KAT2B: variants seen among roughly 807,000 people sequenced by gnomAD.
KAT2B encodes the protein lysine acetyltransferase 2B, also known as histone acetyltransferase KAT2B.
A neutral mutation model predicts 105.9 loss-of-function variants in KAT2B; 36 were observed. The observed-to-expected ratio is 0.34, with a 90% CI of 0.26 to 0.45. The LOEUF is 0.45. Among genes scored for constraint, KAT2B ranks in the 20% least tolerant of loss-of-function variants. The pLI, the probability that KAT2B is intolerant of heterozygous loss-of-function variation, is 1.00. For synonymous variants in KAT2B, 397 were observed against 377.9 expected, an observed-to-expected ratio of 1.05 and a Z score of -0.59; for missense variants, 820 against 1,021.6, an observed-to-expected ratio of 0.80 and a Z score of 2.69.
chr3:20,099,759 AAGAG>A (rs149949115), intron 3 of KAT2B, 99 bp from the exon 4 acceptor site: 320 of 556,180 alleles, frequency 5.8e-4, no homozygotes, highest in South Asian at 1.3e-3. Context: ...GTGTGTGTGT[AAGAG>A]AGAGAGAGAG....
At chr3:20,050,484 A>G (rs1242439004) in intron 1 of KAT2B, among the ~76,000 whole-genome samples, 2 of 152,136 alleles carry the variant, frequency 1.3e-5, no homozygotes, top group Non-Finnish European at 2.9e-5. Flanking sequence ...ATTACCAGAG[A>G]TTAGTTTTGT....
intron 2 of KAT2B, among the ~76,000 whole-genome samples, chr3:20,073,312 C>T (rs997092233): frequency 3.3e-5 from 5 of 152,160 alleles, no homozygotes; most frequent in African/African-American, 9.7e-5. Context: ...CTGGGCAGAA[C>T]GTTCTTGCTA....
At chr3:20,044,366 G>T (rs1315879604) in intron 1 of KAT2B, among the ~76,000 whole-genome samples, 1 of 151,722 alleles carries the variant, frequency 6.6e-6, no homozygotes, top group Non-Finnish European at 1.5e-5. Flanking sequence ...GCAGTGAGCT[G>T]TGATTGCACC....
chr3:20,108,336 C>T (rs929832465), intron 5 of KAT2B, among the ~76,000 whole-genome samples: 29 of 152,282 alleles, frequency 1.9e-4, no homozygotes, highest in Admixed American at 1.5e-3. Context: ...CTGGTGGCTA[C>T]TGTATTGGAT....
intron 11 of KAT2B, among the ~76,000 whole-genome samples, chr3:20,130,072 G>C (rs570120370): frequency 6.6e-6 from 1 of 152,202 alleles, no homozygotes; most frequent in Non-Finnish European, 1.5e-5. Context: ...CCGCCTCCTG[G>C]GTTCAAGTGA....
At chr3:20,107,333 T>C (rs2125162676) in intron 5 of KAT2B, among the ~76,000 whole-genome samples, 1 of 149,240 alleles carries the variant, frequency 6.7e-6, no homozygotes, top group East Asian at 2.1e-4. Flanking sequence ...ACCTGGCCAA[T>C]AATATATATA....
intron 6 of KAT2B, among the ~76,000 whole-genome samples, chr3:20,113,821 A>T (rs1290669196): frequency 4.6e-5 from 7 of 151,754 alleles, no homozygotes; most frequent in Admixed American, 3.9e-4. Flanking sequence ...CTTTTTTTCC[A>T]CTTGGCTTTA....
chr3:20,061,295 G>A (rs886179652), intron 1 of KAT2B, among the ~76,000 whole-genome samples: 4 of 152,154 alleles, frequency 2.6e-5, no homozygotes, highest in African/African-American at 9.7e-5. Flanking sequence ...GTTGTGGCAT[G>A]TGTCAGAGTT....
chr3:20,122,422 A>G (rs1281762295), intron 8 of KAT2B, among the ~76,000 whole-genome samples: 1 of 152,190 alleles, frequency 6.6e-6, no homozygotes, highest in East Asian at 1.9e-4. Flanking sequence ...CATGTGCCTT[A>G]ATATTTCATG....
intron 2 of KAT2B, among the ~76,000 whole-genome samples, chr3:20,092,236 T>TTTATTTATTTATTTATTTATTTATTTA (rs56239971): frequency 9.7e-6 from 1 of 103,456 alleles, no homozygotes; most frequent in African/African-American, 3.0e-5. Flanking sequence ...TATTTATTTA[T>TTTATTTATTTATTTATTTATTTATTTA]TTATTTATTT....
intron 13 of KAT2B, among the ~76,000 whole-genome samples, chr3:20,144,276 CTTTTTTTTTTT>C (rs761735374): frequency 2.0e-4 from 18 of 89,392 alleles, no homozygotes; most frequent in South Asian, 9.8e-4. Flanking sequence ...CCTTGGGATT[CTTTTTTTTTTT>C]TTTTTTTTTT....
At chr3:20,077,712 G>C (rs768668750) in intron 2 of KAT2B, among the ~76,000 whole-genome samples, 1 of 152,114 alleles carries the variant, frequency 6.6e-6, no homozygotes, top group Admixed American at 6.6e-5. Context: ...AATTGTGCTG[G>C]TTTAGAATAT....
At chr3:20,076,023 A>G (rs1392717412) in intron 2 of KAT2B, among the ~76,000 whole-genome samples, 2 of 152,054 alleles carry the variant, frequency 1.3e-5, no homozygotes, top group Admixed American at 6.6e-5. Context: ...TCTTCTAATA[A>G]CCTGGTCTCT....
Position 20,153,868 on chromosome 3 carries a change from A to G in KAT2B, c.*1343A>G, listed in dbSNP as rs1699908060. The stretch of plus-strand genomic sequence containing the variant: ...TATCAGCATAAATAAAATGGTCATG[A>G]ATAGTCATTAAAAACAGTTGCCAGT... On this transcript the variant is annotated 3_prime_UTR_variant, in exon 18 of 18. Transcript: ENST00000263754. The G allele has an allele frequency of 6.6e-6, 1 of 152,470 alleles. No homozygotes were observed. The highest frequency in any genetic ancestry group is 1.5e-5 in the Non-Finnish European group (1 of 68,014). The allele number at this position is 152,470 out of a possible 1,614,324, so 9.4% of individuals were successfully genotyped here. A position where few individuals can be genotyped will look rare whatever the true frequency, so the allele number is the denominator to read the frequency against.
At chr3:20,074,998 G>A (rs1575118243) in intron 2 of KAT2B, among the ~76,000 whole-genome samples, 1 of 152,172 alleles carries the variant, frequency 6.6e-6, no homozygotes, top group Admixed American at 6.5e-5. Flanking sequence ...GGGCGTGGTG[G>A]CTCACGCCTG....
intron 1 of KAT2B, among the ~76,000 whole-genome samples, chr3:20,059,709 C>T (rs1212304351): frequency 1.3e-5 from 2 of 151,896 alleles, no homozygotes; most frequent in African/African-American, 4.8e-5. Flanking sequence ...CATCTCAAAA[C>T]AAAAACAAAA....
At chr3:20,135,066 CAT>C (rs979774383) in intron 11 of KAT2B, among the ~76,000 whole-genome samples, 4 of 152,182 alleles carry the variant, frequency 2.6e-5, no homozygotes, top group Admixed American at 6.5e-5. Context: ...CCTCTATACA[CAT>C]GTGTTTATAT....
chr3:20,105,403 A>G (rs576336609), intron 5 of KAT2B, among the ~76,000 whole-genome samples: 3 of 152,210 alleles, frequency 2.0e-5, no homozygotes, highest in South Asian at 4.1e-4. Context: ...GGAAAGTGCA[A>G]GTAATTAGTC....
At chr3:20,090,550 C>T (rs893549005) in intron 2 of KAT2B, among the ~76,000 whole-genome samples, 6 of 152,072 alleles carry the variant, frequency 3.9e-5, no homozygotes, top group East Asian at 1.9e-4. Flanking sequence ...TCCTCTTGCT[C>T]GTGGTGAAGG....
Sources: allele counts gnomAD v4.1 joint callset (sites outside exome capture counted in the v4.1 genomes callset), GRCh38; gene constraint gnomAD v4.1.1; transcripts MANE v1.5; gene names NCBI Gene and HGNC (gene_info 2026-07-23, HGNC 2026-07-21).